SF3B1: variants seen among roughly 807,000 people sequenced by gnomAD.
SF3B1 encodes the protein splicing factor 3b subunit 1.
Under a neutral mutation model 153.8 loss-of-function variants are expected in SF3B1, and 12 were observed. That is an observed-to-expected ratio of 0.08 (90% CI 0.05 to 0.13). The LOEUF is 0.13. SF3B1 is among the 10% of genes least tolerant of loss of function. The pLI, the probability that SF3B1 is intolerant of heterozygous loss-of-function variation, is 1.00. For missense variants in SF3B1, 513 were observed against 1,606.1 expected, an observed-to-expected ratio of 0.32 and a Z score of 11.63; for synonymous variants, 498 against 525.2, an observed-to-expected ratio of 0.95 and a Z score of 0.71.
intron 2 of SF3B1, among the ~76,000 whole-genome samples, chr2:197,422,718 G>A (rs1205023489): frequency 4.0e-5 from 6 of 151,632 alleles, no homozygotes; most frequent in African/African-American, 2.4e-5. Context: ...GTGAAACCCC[G>A]TCTCTACTAA....
At position 197,421,842 on chromosome 2, in the gene SF3B1, G is replaced by A. The variant is rs374550602; in HGVS notation, c.196-709C>T. On this transcript the variant is annotated intron_variant, in intron 2 of 24. Coordinates refer to ENST00000335508, the MANE Select transcript of SF3B1 (RefSeq NM_012433.4). ...AAAAAAATACAAAAATTAGCCAGGC[G>A]TGGTGGTGTGCATACGTAGTCCCAG... is the stretch of plus-strand genomic sequence containing the variant. Among the ~76,000 whole-genome samples, 188 of 152,136 alleles carry A rather than the reference G, an allele frequency of 1.2e-3. 5 individuals are homozygous for A. The South Asian group carries it at 0.03, about 24-fold the overall frequency.
At chr2:197,406,800 A>C (rs1365476332) in intron 9 of SF3B1, among the ~76,000 whole-genome samples, 1 of 152,194 alleles carries the variant, frequency 6.6e-6, no homozygotes, top group Non-Finnish European at 1.5e-5. Context: ...GGGATCAAAA[A>C]CAAAACAAGG....
At chr2:197,426,273 T>C (rs1371626593) in intron 1 of SF3B1, among the ~76,000 whole-genome samples, 2 of 151,360 alleles carry the variant, frequency 1.3e-5, no homozygotes, top group Non-Finnish European at 2.9e-5. Flanking sequence ...TTTGCCCCAC[T>C]CCCACCCCCT....
Position 197,402,463 on chromosome 2 carries a change from T to C in SF3B1, c.2077+93A>G. On this transcript the variant is annotated intron_variant, in intron 14 of 24. Transcript: ENST00000335508. The surrounding 1 kb of genome is among the most constrained non-coding windows in gnomAD (Gnocchi z 4.6). Reference sequence around the variant, plus strand: ...AAGGAGGCTGAGCAGGAGGATCACTTGAGCCCAAAGGTTTGAGTCCAGTCT... The same window carrying C: ...AAGGAGGCTGAGCAGGAGGATCACTCGAGCCCAAAGGTTTGAGTCCAGTCT... 1 of 1,133,120 alleles carries C rather than the reference T, an allele frequency of 8.8e-7. No individual in the cohort carries two copies. Among genetic ancestry groups the C allele is most frequent in the Non-Finnish European group, 1.2e-6 (1 of 802,350 alleles). The allele number at this position is 1,133,120 out of a possible 1,614,324, so 70.2% of individuals were successfully genotyped here.
At chr2:197,393,662 AG>A (rs2084840621) in intron 23 of SF3B1, among the ~76,000 whole-genome samples, 1 of 151,920 alleles carries the variant, frequency 6.6e-6, no homozygotes, top group African/African-American at 2.4e-5. Flanking sequence ...CATGTTGGCC[AG>A]GATGGTCTCG....
At chr2:197,398,799 T>G in intron 20 of SF3B1, 1 of 549,066 alleles carries the variant, frequency 1.8e-6, no homozygotes, top group East Asian at 3.4e-5. Flanking sequence ...AGTGAAGTGA[T>G]TTAAAGGATG....
intron 6 of SF3B1, among the ~76,000 whole-genome samples, chr2:197,412,458 C>T (rs932396101): frequency 2.8e-4 from 42 of 151,534 alleles, no homozygotes; most frequent in African/African-American, 9.9e-4. Flanking sequence ...CGGGTTCAAG[C>T]GATTCTCCTG....
At chr2:197,414,998 T>C (rs1036499125) in intron 6 of SF3B1, among the ~76,000 whole-genome samples, 1 of 151,966 alleles carries the variant, frequency 6.6e-6, no homozygotes, top group African/African-American at 2.4e-5. Flanking sequence ...AATGAGACCC[T>C]ACCTCAAGAA....
intron 11 of SF3B1, 134 bp from the exon 12 acceptor site, chr2:197,403,898 A>G (rs2084960885): frequency 3.2e-6 from 2 of 620,356 alleles, no homozygotes; most frequent in African/African-American, 1.9e-5. Flanking sequence ...CATAGACAGC[A>G]TGAGTTCATT....
At chr2:197,430,513 G>T (rs2565150) in intron 1 of SF3B1, among the ~76,000 whole-genome samples, 211 of 152,334 alleles carry the variant, frequency 1.4e-3, no homozygotes, top group African/African-American at 4.9e-3. Flanking sequence ...GAAGTGCAGT[G>T]GCACGATCTC....
At position 197,401,955 on chromosome 2, in the gene SF3B1, G is replaced by T. The variant is rs2105984916; in HGVS notation, c.2223+30C>A. The T allele has an allele frequency of 6.2e-7, 1 of 1,604,548 alleles. No homozygotes were observed. The highest frequency in any genetic ancestry group is 8.5e-7 in the Non-Finnish European group (1 of 1,177,330). On this transcript the variant is annotated intron_variant, in intron 15 of 24. Transcript: ENST00000335508. The surrounding 1 kb of genome is among the most constrained non-coding windows in gnomAD (Gnocchi z 4.2). ...TTTATGTCGCCTTAACTTTAATGAA[G>T]ATAAATCAAAAGGTAATTGGTGGAT...
intron 9 of SF3B1, 105 bp downstream of exon 9, chr2:197,407,890 TGAC>T: frequency 1.1e-6 from 1 of 885,990 alleles, no homozygotes; most frequent in South Asian, 1.6e-5. Context: ...GAGAATGGAA[TGAC>T]AATAGTAAAT....
At chr2:197,428,986 G>A (rs555225452) in intron 1 of SF3B1, among the ~76,000 whole-genome samples, 1 of 151,924 alleles carries the variant, frequency 6.6e-6, no homozygotes, top group African/African-American at 2.4e-5. Flanking sequence ...AAAAAGGCGG[G>A]GGTTGGCAAC....
chr2:197,427,743 G>A (rs1003576938), intron 1 of SF3B1, among the ~76,000 whole-genome samples: 2 of 152,106 alleles, frequency 1.3e-5, no homozygotes, highest in African/African-American at 2.4e-5. Flanking sequence ...AATCTGGGCC[G>A]GGCATGGTGG....
chr2:197,420,957 G>A (rs1335096832), intron 3 of SF3B1, 72 bp downstream of exon 3: 2 of 884,570 alleles, frequency 2.3e-6, no homozygotes, highest in African/African-American at 3.5e-5. Flanking sequence ...TAAAATTTAT[G>A]GATTTCTATG....
At chr2:197,416,950 C>A in intron 5 of SF3B1, 39 bp from the exon 6 acceptor site, 1 of 1,577,392 alleles carries the variant, frequency 6.3e-7, no homozygotes. Flanking sequence ...AAAATGCTTT[C>A]AATGTATTTT....
intron 4 of SF3B1, 100 bp downstream of exon 4, chr2:197,420,328 A>C: frequency 1.2e-6 from 1 of 846,332 alleles, no homozygotes; most frequent in Non-Finnish European, 2.0e-6. Flanking sequence ...TTTTAAAAAG[A>C]AAAGCAAATT....
chr2:197,398,960 C>G (rs1368797763), intron 20 of SF3B1: 1 of 944,066 alleles, frequency 1.1e-6, no homozygotes, highest in Non-Finnish European at 1.5e-6. Flanking sequence ...CCAGAAAGGG[C>G]CCCCTTACCC....
intron 5 of SF3B1, among the ~76,000 whole-genome samples, chr2:197,417,874 C>T (rs1391653244): frequency 2.0e-5 from 3 of 152,112 alleles, no homozygotes; most frequent in African/African-American, 4.8e-5. Flanking sequence ...GAATCTCACA[C>T]TGAACTCTGA....
Sources: allele counts gnomAD v4.1 joint callset (sites outside exome capture counted in the v4.1 genomes callset), GRCh38; gene constraint gnomAD v4.1.1; non-coding constraint Gnocchi (gnomAD v3.1); transcripts MANE v1.5; gene names NCBI Gene and HGNC (gene_info 2026-07-23, HGNC 2026-07-21).